The following WDFY4 variants were observed in gnomAD, a reference collection of about 807,000 sequenced individuals.
WDFY4 encodes the protein WDFY family member 4, also known as WD repeat- and FYVE domain-containing protein 4.
A neutral mutation model predicts 351.9 loss-of-function variants in WDFY4; 169 were observed. The ratio of observed to expected loss-of-function variants is 0.48; its 90% CI spans 0.42 to 0.55. WDFY4 has a LOEUF of 0.55. Ranked by LOEUF, WDFY4 falls within the 20% of genes least tolerant of loss-of-function variation. The probability of loss-of-function intolerance (pLI) is 0.00; values close to 1 mark genes in which losing one functional copy is unlikely to be tolerated. For synonymous variants in WDFY4, 1,622 were observed against 1,574.6 expected, an observed-to-expected ratio of 1.03 and a Z score of -0.71; for missense variants, 3,803 against 3,935.6, an observed-to-expected ratio of 0.97 and a Z score of 0.90.
rs771112271 is a variant in WDFY4 at position 48,900,314 on chromosome 10, C to T, written c.7523+8C>T. 1.4e-5 allele frequency: 22 copies of T among 1,548,410 alleles called. No individual in the cohort carries two copies. The highest frequency in any genetic ancestry group is 1.8e-5 in the Non-Finnish European group (21 of 1,144,748). On this transcript the variant is annotated splice_region_variant and intron_variant, in intron 46 of 61. Coordinates refer to ENST00000325239, the MANE Select transcript of WDFY4 (RefSeq NM_001394531.1). ...GAGTAAGGCCTTTAAAAGGTAAGAG[C>T]TTGAAAATCCTCCTTCTGAGGAAAC...
rs762366232 is a variant in WDFY4 at position 48,959,809 on chromosome 10, G to A, written c.8219G>A (p.Arg2740Lys). 1.3e-6 allele frequency: 2 copies of A among 1,549,708 alleles called. No homozygotes were observed. The highest frequency in any genetic ancestry group is 3.9e-5 in the Admixed American group (2 of 50,846). Residue 2740 changes from arginine (R) to lysine (K), a missense_variant, in exon 53 of 62, where the codon AGA becomes AAA. Arg to Lys is a conservative substitution (Grantham distance 26, BLOSUM62 2). This residue lies in a region of WDFY4 where 3,054 missense variants were observed against 3,148.6 expected (regional missense o/e 0.97). Transcript: ENST00000325239. Reference protein sequence around the residue: ...GDPRKFISLHRKALESDFVSA... With the variant: ...GDPRKFISLHKKALESDFVSA... ...CCTCGGAAATTCATCAGCCTGCACA[G>A]AAAGGTGAGTCAGGCCAGGACCCCT...
rs574972317 is a variant in WDFY4 at position 48,859,936 on chromosome 10, T to C, written c.6664-7329T>C. On this transcript the variant is annotated intron_variant, in intron 39 of 61. Coordinates refer to ENST00000325239, the MANE Select transcript of WDFY4 (RefSeq NM_001394531.1). ...ATTGGATGAGTCGTGGTAGTTTGTG[T>C]TTGGCAAAGAATTTATCCATTTCAT... Among the ~76,000 whole-genome samples, 61 of 152,342 alleles carry C rather than the reference T, an allele frequency of 4.0e-4. No homozygotes were observed. In the South Asian group the frequency reaches 0.013, roughly 32 times the overall value.
chr10:48,908,572 A>G (rs779764130), intron 47 of WDFY4, among the ~76,000 whole-genome samples: 1 of 150,876 alleles, frequency 6.6e-6, no homozygotes, highest in Non-Finnish European at 1.5e-5. Flanking sequence ...TGCCTCATAA[A>G]TCAGCACTGG....
At chr10:48,844,931 C>T (rs2068725990) in intron 39 of WDFY4, among the ~76,000 whole-genome samples, 1 of 152,176 alleles carries the variant, frequency 6.6e-6, no homozygotes, top group South Asian at 2.1e-4. Context: ...GCGCCAGAGA[C>T]TTACCTTGTG....
Position 48,790,936 on chromosome 10 carries a change from C to T in WDFY4, c.4257+19C>T. 1 of 1,550,980 alleles carries T rather than the reference C, an allele frequency of 6.4e-7. No individual in the cohort carries two copies. The highest frequency in any genetic ancestry group is 8.7e-7 in the Non-Finnish European group (1 of 1,146,468). Reference sequence around the variant, plus strand: ...GTACCAGGTAATCCCATCCTCCCACCTGGAACTGAGACTCCTGAAAGGGCT... The same window carrying T: ...GTACCAGGTAATCCCATCCTCCCACTTGGAACTGAGACTCCTGAAAGGGCT... On this transcript the variant is annotated intron_variant, in intron 23 of 61. Coordinates refer to ENST00000325239, the MANE Select transcript of WDFY4 (RefSeq NM_001394531.1).
chr10:48,871,126 G>A (rs1357112258), intron 40 of WDFY4, among the ~76,000 whole-genome samples: 4 of 152,022 alleles, frequency 2.6e-5, no homozygotes, highest in South Asian at 2.1e-4. Context: ...TAGAAGAGAC[G>A]GGGTTTCACC....
chr10:48,832,756 C>CA (rs2068235376), intron 39 of WDFY4, 47 bp downstream of exon 39: 4 of 1,480,830 alleles, frequency 2.7e-6, no homozygotes, highest in Non-Finnish European at 1.8e-6. Flanking sequence ...GCATTTGCTT[C>CA]AAACCCCATG....
In WDFY4 at chr10:48,778,719, T is replaced by A; in HGVS notation, c.3284T>A (p.Leu1095Ter). Residue 1095 changes from leucine to a stop codon, truncating the protein, a stop_gained, in exon 18 of 62, where the codon TTG (leucine) becomes TAG (stop). Transcript: ENST00000325239. LOFTEE classifies it high-confidence loss of function. ...TEGHPLRFLT[L>*]VRHLARTEQP... ...GGCCACCCGCTGCGCTTCCTGACGT[T>A]GGTGCGCCACCTGGCCAGGACTGAG... is the stretch of plus-strand genomic sequence containing the variant. 2 of 1,551,666 alleles carry A rather than the reference T, an allele frequency of 1.3e-6. No individual in the cohort carries two copies. Among genetic ancestry groups the A allele is most frequent in the Non-Finnish European group, 1.7e-6 (2 of 1,147,014 alleles).
chr10:48,897,677 T>C, intron 45 of WDFY4, 103 bp downstream of exon 45: 2 of 1,476,460 alleles, frequency 1.4e-6, no homozygotes, highest in Non-Finnish European at 1.8e-6. Context: ...GACTCTTCTT[T>C]GTGCCTATGC....
intron 20 of WDFY4, among the ~76,000 whole-genome samples, chr10:48,787,848 C>CTTCTTCTTCTTCTTCTTCTTCT (rs1589608549): frequency 7.3e-6 from 1 of 136,166 alleles, no homozygotes; most frequent in Admixed American, 7.1e-5. Context: ...TCTTCTTCTT[C>CTTCTTCTTCTTCTTCTTCTTCT]TTCTTCTTCT....
chr10:48,819,799 A>T (rs2067750983), intron 32 of WDFY4, among the ~76,000 whole-genome samples: 1 of 152,068 alleles, frequency 6.6e-6, no homozygotes, highest in Non-Finnish European at 1.5e-5. Context: ...TCCCCATCAC[A>T]AGATGGGCAC....
intron 39 of WDFY4, among the ~76,000 whole-genome samples, chr10:48,864,648 T>C (rs982712157): frequency 6.6e-6 from 1 of 152,236 alleles, no homozygotes; most frequent in African/African-American, 2.4e-5. Flanking sequence ...ATAGGGATTG[T>C]TAATTCTGTA....
In WDFY4 at chr10:48,776,880, G is replaced by T. The variant is rs746662573; in HGVS notation, c.2994G>T (p.Thr998=). 14 of 1,551,854 alleles carry T rather than the reference G, an allele frequency of 9.0e-6. No homozygotes were observed. The highest frequency in any genetic ancestry group is 1.1e-5 in the Non-Finnish European group (13 of 1,147,060). The change falls in exon 16 of 62, where the codon ACG becomes ACT. Residue 998 remains threonine (T), a synonymous_variant. Transcript: ENST00000325239. ...AGGATTCAACTACTGCTCTTCAGAC[G>T]GCGCTGAGCCTCATCTCCATGACCT... ...ESQDSTTALQ[T]ALSLISMTSP... is the part of the protein sequence containing the mutation.
At position 48,820,356 on chromosome 10, in the gene WDFY4, G is replaced by C; in HGVS notation, c.5628G>C (p.Glu1876Asp). Residue 1876 changes from glutamate (E) to aspartate (D), a missense_variant, in exon 33 of 62, where the codon GAG becomes GAC. This residue lies in a region of WDFY4 where 3,054 missense variants were observed against 3,148.6 expected (regional missense o/e 0.97). Coordinates refer to ENST00000325239, the MANE Select transcript of WDFY4 (RefSeq NM_001394531.1). The part of the protein sequence containing the change: ...KAHPARRKLR[E>D]FTQLLLRELL... Reference sequence around the variant, plus strand: ...ATCCCGCCCGGAGGAAGCTGAGGGAGTTCACGCAGCTCCTCTTGAGGGAGC... The same window carrying C: ...ATCCCGCCCGGAGGAAGCTGAGGGACTTCACGCAGCTCCTCTTGAGGGAGC... 1 of 1,551,656 alleles carries C rather than the reference G, an allele frequency of 6.4e-7. No individual in the cohort carries two copies. Among genetic ancestry groups the C allele is most frequent in the African/African-American group, 1.4e-5 (1 of 73,150 alleles).
At chr10:48,837,279 G>A (rs930899767) in intron 39 of WDFY4, among the ~76,000 whole-genome samples, 5 of 151,810 alleles carry the variant, frequency 3.3e-5, no homozygotes, top group Non-Finnish European at 7.4e-5. Context: ...GAGAGCTCTC[G>A]GGCAGGGAGA....
chr10:48,943,891 G>C (rs530824295), intron 49 of WDFY4, among the ~76,000 whole-genome samples: 1 of 152,192 alleles, frequency 6.6e-6, no homozygotes, highest in Non-Finnish European at 1.5e-5. Flanking sequence ...CACTGTGCCC[G>C]GCCTCAGATC....
intron 47 of WDFY4, among the ~76,000 whole-genome samples, chr10:48,927,411 C>T (rs1338401909): frequency 2.0e-5 from 3 of 152,212 alleles, no homozygotes; most frequent in Non-Finnish European, 2.9e-5. Context: ...TTTGTCCAGG[C>T]TCACACAGCT....
In WDFY4 at chr10:48,974,977, C is replaced by G; in HGVS notation, c.9044C>G (p.Thr3015Ser). ...TCILWDLDHLTHVTRLPAHRE... is the reference protein window; with the variant it reads ...TCILWDLDHLSHVTRLPAHRE... ...ATCCTGTGGGATCTGGACCACCTCA[C>G]CCACGTGACCCGCCTGCCCGCCCAT... Residue 3015 changes from threonine to serine, a missense_variant, in exon 58 of 62, where the codon ACC becomes AGC. By Grantham distance (58) the Thr-to-Ser change is moderately conservative. Around this residue, in one of 3 missense-constraint regions of WDFY4, gnomAD observed 3,054 missense variants for 3,148.6 expected, o/e 0.97. Transcript: ENST00000325239. The G allele has an allele frequency of 6.4e-7, 1 of 1,551,708 alleles. No homozygotes were observed. The highest frequency in any genetic ancestry group is 8.7e-7 in the Non-Finnish European group (1 of 1,146,994).
intron 39 of WDFY4, among the ~76,000 whole-genome samples, chr10:48,840,403 G>GAC (rs1186620482): frequency 2.3e-4 from 31 of 134,752 alleles, no homozygotes; most frequent in African/African-American, 7.4e-4. Context: ...CTCTTCCCTT[G>GAC]ACACACACAC....
Sources: gnomAD v4.1 joint callset for allele counts (sites outside exome capture counted in the v4.1 genomes callset) on GRCh38, gnomAD v4.1.1 for gene constraint, gnomAD v4.1.1 regional missense constraint, MANE v1.5 for transcripts, NCBI Gene and HGNC (gene_info 2026-07-23, HGNC 2026-07-21) for gene names.